Variants in RALGAPA1 observed in about 807,000 individuals in gnomAD.
RALGAPA1 encodes the protein Ral GTPase activating protein catalytic subunit alpha 1, also known as ral GTPase-activating protein subunit alpha-1.
Under a neutral mutation model 269.6 loss-of-function variants are expected in RALGAPA1, and 52 were observed. The ratio of observed to expected loss-of-function variants is 0.19; its 90% CI spans 0.15 to 0.24. RALGAPA1 has a LOEUF of 0.24. Among genes scored for constraint, RALGAPA1 ranks in the 10% least tolerant of loss-of-function variants. The probability of loss-of-function intolerance (pLI) is 1.00; values close to 1 mark genes in which losing one functional copy is unlikely to be tolerated. For missense variants in RALGAPA1, 1,917 were observed against 3,013.9 expected (o/e 0.64, Z 8.52); for synonymous variants, 817 against 1,008.3 (o/e 0.81, Z 3.60).
At chr14:35,655,757 A>T (rs1555391937) in intron 29 of RALGAPA1, 50 bp downstream of exon 29, 3 of 1,571,050 alleles carry the variant, frequency 1.9e-6, no homozygotes, top group South Asian at 1.2e-5. Context: ...GGAGAAAAAA[A>T]TATGCATTCT....
At chr14:35,797,291 T>G (rs2141870026) in intron 1 of RALGAPA1, among the ~76,000 whole-genome samples, 1 of 139,846 alleles carries the variant, frequency 7.2e-6, no homozygotes. Context: ...AGGTGGAGGT[T>G]GCAGTGAGCT....
intron 1 of RALGAPA1, among the ~76,000 whole-genome samples, chr14:35,798,196 C>T (rs577217544): frequency 1.3e-5 from 2 of 149,968 alleles, no homozygotes; most frequent in African/African-American, 4.9e-5. Context: ...CCCTAAAACC[C>T]GGTCTTGGAC....
At chr14:35,730,900 T>C (rs2070411505) in intron 12 of RALGAPA1, among the ~76,000 whole-genome samples, 1 of 152,220 alleles carries the variant, frequency 6.6e-6, no homozygotes, top group Non-Finnish European at 1.5e-5. Flanking sequence ...CTCTCTGGAA[T>C]GTGCCACCTC....
chr14:35,753,488 C>T (rs953984459), intron 7 of RALGAPA1, among the ~76,000 whole-genome samples: 1 of 151,966 alleles, frequency 6.6e-6, no homozygotes, highest in African/African-American at 2.4e-5. Context: ...TATATGTATA[C>T]AATATAATAT....
rs753418092 is a variant in RALGAPA1, at chr14:35,688,752, G to A, written c.3659C>T (p.Thr1220Ile). 54 of 1,457,700 alleles carry A rather than the reference G, an allele frequency of 3.7e-5. No individual in the cohort carries two copies. Among genetic ancestry groups the A allele is most frequent in the Middle Eastern group, 5.0e-4 (2 of 3,974 alleles). The allele number at this position is 1,457,700 out of a possible 1,614,324, so 90.3% of individuals were successfully genotyped here. Residue 1220 changes from threonine to isoleucine, a missense_variant, in exon 18 of 42, where the codon ACT (threonine) becomes ATT (isoleucine). Thr to Ile is a moderately conservative substitution (Grantham distance 89, BLOSUM62 -1). Coordinates refer to ENST00000680220, the MANE Select transcript of RALGAPA1 (RefSeq NM_001346249.2). ...CACTGTTTTGCTGCTTACTGATGCA[G>A]TACCAAGTGTATCTAGAGGTCTGTA... Reference protein sequence around the residue: ...GVYRPLDTLGTASVSSKTVKE... With the variant: ...GVYRPLDTLGIASVSSKTVKE...
chr14:35,632,513 G>A (rs917097427), intron 33 of RALGAPA1, among the ~76,000 whole-genome samples: 2 of 152,146 alleles, frequency 1.3e-5, no homozygotes, highest in Non-Finnish European at 2.9e-5. Flanking sequence ...AATAGAACAT[G>A]CAGAGGAAGT....
chr14:35,680,646 G>A (rs538422395), intron 21 of RALGAPA1, among the ~76,000 whole-genome samples: 2 of 150,966 alleles, frequency 1.3e-5, no homozygotes, highest in African/African-American at 4.9e-5. Flanking sequence ...ACAGAGTCTC[G>A]CTTTGTCCCC....
intron 1 of RALGAPA1, among the ~76,000 whole-genome samples, chr14:35,789,768 C>T (rs966097185): frequency 6.6e-6 from 1 of 152,142 alleles, no homozygotes; most frequent in African/African-American, 2.4e-5. Flanking sequence ...GAGGACAGAA[C>T]ACCAGAAAAT....
At chr14:35,756,652 C>T (rs1044449703) in intron 7 of RALGAPA1, 141 bp downstream of exon 7, 3 of 503,410 alleles carry the variant, frequency 6.0e-6, no homozygotes, top group Non-Finnish European at 1.0e-5. Flanking sequence ...AAAAGCAAGC[C>T]ATTGACCCTT....
chr14:35,804,570 AAAATAAATAAATAAATAAAT>A (rs71124718), intron 1 of RALGAPA1, among the ~76,000 whole-genome samples: 212 of 145,778 alleles, frequency 1.5e-3, no homozygotes, highest in African/African-American at 4.3e-3. Flanking sequence ...CTCCATCTCA[AAAATAAATAAATAAATAAAT>A]AAATAAATAA....
chr14:35,550,335 T>C (rs964918349), intron 39 of RALGAPA1, among the ~76,000 whole-genome samples: 1 of 152,200 alleles, frequency 6.6e-6, no homozygotes, highest in African/African-American at 2.4e-5. Context: ...AGGCTTTACA[T>C]AAGACATTTA....
At chr14:35,765,250 A>G (rs1020337912) in intron 4 of RALGAPA1, among the ~76,000 whole-genome samples, 10 of 152,136 alleles carry the variant, frequency 6.6e-5, no homozygotes, top group Admixed American at 1.3e-4. Flanking sequence ...TTATCTTGTT[A>G]TCAGGCATGA....
At chr14:35,662,961 T>C (rs1055718683) in intron 27 of RALGAPA1, among the ~76,000 whole-genome samples, 28 of 151,172 alleles carry the variant, frequency 1.9e-4, no homozygotes, top group Non-Finnish European at 3.5e-4. Context: ...GACAAGGTCT[T>C]GCTCTGTCAC....
At chr14:35,573,016 T>C (rs902091041) in intron 37 of RALGAPA1, among the ~76,000 whole-genome samples, 1 of 152,144 alleles carries the variant, frequency 6.6e-6, no homozygotes, top group African/African-American at 2.4e-5. Flanking sequence ...ACAGATCTTT[T>C]AAAAGATTGT....
Position 35,725,070 on chromosome 14 carries a change from T to C in RALGAPA1, c.1820A>G (p.Lys607Arg). The change falls in exon 14 of 42, where the codon AAA becomes AGA. Residue 607 changes from lysine to arginine, a missense_variant. Coordinates refer to ENST00000680220, the MANE Select transcript of RALGAPA1 (RefSeq NM_001346249.2). ...PSQAFLQFQGKKNMTLAGRLA... is the reference protein window; with the variant it reads ...PSQAFLQFQGRKNMTLAGRLA... ...TCGACCTGCCAAGGTCATATTTTTTTTCCCTTGGAACTGTAGAAAAGCTTG... is the reference window on the plus strand; with the variant it reads ...TCGACCTGCCAAGGTCATATTTTTTCTCCCTTGGAACTGTAGAAAAGCTTG... 6.2e-7 allele frequency: 1 copy of C among 1,606,230 alleles called. No homozygotes were observed. The highest frequency in any genetic ancestry group is 8.5e-7 in the Non-Finnish European group (1 of 1,176,402).
intron 1 of RALGAPA1, among the ~76,000 whole-genome samples, chr14:35,797,690 A>C (rs1239977891): frequency 6.6e-6 from 1 of 151,720 alleles, no homozygotes; most frequent in South Asian, 2.1e-4. Flanking sequence ...TACTTAAAAT[A>C]CAAAATTAGC....
chr14:35,742,494 T>C lies in RALGAPA1; in HGVS notation c.1323A>G (p.Gln441=), dbSNP rs142294657. 8,846 of 1,601,200 alleles carry C rather than the reference T, an allele frequency of 5.5e-3. 41 individuals are homozygous for C. Among genetic ancestry groups the C allele is most frequent in the Admixed American group, 6.7e-3 (403 of 59,862 alleles). ...KVVKVYQEWI[Q]QEEKPLFMQE... ...GCATGAACAAAGGTTTTTCCTCTTG[T>C]TGGATCCATTCTTGATATACTTTTA... The change falls in exon 11 of 42, where the codon CAA becomes CAG. Residue 441 remains glutamine, a synonymous_variant. Coordinates refer to ENST00000680220, the MANE Select transcript of RALGAPA1 (RefSeq NM_001346249.2).
chr14:35,577,324 G>A (rs898653871), intron 37 of RALGAPA1, among the ~76,000 whole-genome samples: 1 of 151,936 alleles, frequency 6.6e-6, no homozygotes, highest in African/African-American at 2.4e-5. Flanking sequence ...TGTTGGTATC[G>A]GAAGGTAGGG....
intron 5 of RALGAPA1, 77 bp from the exon 6 acceptor site, chr14:35,761,083 A>T: frequency 9.2e-7 from 1 of 1,086,050 alleles, no homozygotes; most frequent in Non-Finnish European, 1.3e-6. Flanking sequence ...AAAGTTCTCT[A>T]GATGATGACA....
Sources: allele counts gnomAD v4.1 joint callset (sites outside exome capture counted in the v4.1 genomes callset), GRCh38; gene constraint gnomAD v4.1.1; transcripts MANE v1.5; gene names NCBI Gene and HGNC (gene_info 2026-07-23, HGNC 2026-07-21).